ZMAT4: variants seen among roughly 807,000 people sequenced by gnomAD.
ZMAT4 encodes zinc finger matrin-type protein 4.
ZMAT4 carries 17 observed loss-of-function variants against 28.7 expected under a neutral mutation model. The ratio of observed to expected loss-of-function variants is 0.59; its 90% CI spans 0.41 to 0.89. The LOEUF (loss-of-function observed/expected upper bound fraction) is 0.89. Among genes scored for constraint, ZMAT4 ranks in the 40% least tolerant of loss-of-function variants. The pLI is 0.00. For synonymous variants in ZMAT4, 117 were observed against 109.2 expected, an observed-to-expected ratio of 1.07 and a Z score of -0.44; for missense variants, 240 against 283.8, an observed-to-expected ratio of 0.85 and a Z score of 1.11.
intron 2 of ZMAT4, among the ~76,000 whole-genome samples, chr8:40,809,049 A>G (rs1322251146): frequency 6.6e-6 from 1 of 152,194 alleles, no homozygotes; most frequent in African/African-American, 2.4e-5. Flanking sequence ...AAGCAAAGAC[A>G]TGGAATCAAC....
intron 5 of ZMAT4, among the ~76,000 whole-genome samples, chr8:40,663,512 G>C (rs935561775): frequency 1.3e-5 from 2 of 152,132 alleles, no homozygotes; most frequent in Non-Finnish European, 1.5e-5. Context: ...ATAAGTGAAT[G>C]AATGAATGAA....
chr8:40,576,091 C>T (rs913631801), intron 6 of ZMAT4, among the ~76,000 whole-genome samples: 4 of 151,866 alleles, frequency 2.6e-5, no homozygotes, highest in African/African-American at 9.7e-5. Context: ...CTTGAATATA[C>T]ACCTTTTGAA....
chr8:40,559,768 C>T (rs1288594501), intron 6 of ZMAT4, among the ~76,000 whole-genome samples: 1 of 152,096 alleles, frequency 6.6e-6, no homozygotes, highest in African/African-American at 2.4e-5. Context: ...AAAACACACA[C>T]ACATGCGAAT....
At chr8:40,814,454 G>T (rs1815453094) in intron 2 of ZMAT4, among the ~76,000 whole-genome samples, 1 of 152,184 alleles carries the variant, frequency 6.6e-6, no homozygotes, top group Non-Finnish European at 1.5e-5. Flanking sequence ...AATCATTACA[G>T]GTCGAGATCT....
intron 1 of ZMAT4, among the ~76,000 whole-genome samples, chr8:40,849,935 C>A (rs1039937706): frequency 6.6e-6 from 1 of 151,228 alleles, no homozygotes; most frequent in Non-Finnish European, 1.5e-5. Flanking sequence ...CTGGCACAAC[C>A]ATTCACCCCG....
At chr8:40,539,030 C>T (rs1424201440) in intron 6 of ZMAT4, among the ~76,000 whole-genome samples, 1 of 152,050 alleles carries the variant, frequency 6.6e-6, no homozygotes, top group Admixed American at 6.5e-5. Context: ...GTGATCCACC[C>T]GCCTTGGCCT....
intron 3 of ZMAT4, among the ~76,000 whole-genome samples, chr8:40,766,500 G>A (rs1332942690): frequency 2.0e-5 from 3 of 151,866 alleles, no homozygotes; most frequent in Non-Finnish European, 4.4e-5. Context: ...TAACGCTAAG[G>A]GCTAAAAAAA....
At chr8:40,864,525 G>A (rs1261483242) in intron 1 of ZMAT4, among the ~76,000 whole-genome samples, 1 of 152,080 alleles carries the variant, frequency 6.6e-6, no homozygotes, top group Non-Finnish European at 1.5e-5. Context: ...TGGTAGCAGG[G>A]ACAAAAAAGT....
rs1034168292 is a variant in ZMAT4, at chr8:40,598,541, C to T, written c.578-17280G>A. Among the ~76,000 whole-genome samples the T allele has an allele frequency of 2.6e-5, 4 of 152,134 alleles. No individual in the cohort carries two copies. The East Asian group carries it at 7.7e-4, about 29-fold the overall frequency. On this transcript the variant is annotated intron_variant, in intron 5 of 6. Coordinates refer to ENST00000297737, the MANE Select transcript of ZMAT4 (RefSeq NM_024645.3). ...TCCATTTCCCTGCAAAGGACATGAT[C>T]TCATTCTTTTTATATAGCTGCATAG...
chr8:40,743,747 T>C (rs1029497633), intron 3 of ZMAT4, among the ~76,000 whole-genome samples: 5 of 152,002 alleles, frequency 3.3e-5, no homozygotes, highest in African/African-American at 1.2e-4. Context: ...CCACAGATCA[T>C]GGTGGTCATG....
At chr8:40,690,999 A>G in intron 4 of ZMAT4, 2 of 870,200 alleles carry the variant, frequency 2.3e-6, no homozygotes, top group Non-Finnish European at 2.8e-6. Flanking sequence ...CTTTGTTGCT[A>G]CCAATCCACT....
At chr8:40,653,757 A>G (rs776806470) in intron 5 of ZMAT4, among the ~76,000 whole-genome samples, 2 of 152,338 alleles carry the variant, frequency 1.3e-5, no homozygotes, top group Non-Finnish European at 2.9e-5. Flanking sequence ...AAGTAGAGAC[A>G]CTGACTTATA....
At chr8:40,871,573 G>A (rs1817857575) in intron 1 of ZMAT4, among the ~76,000 whole-genome samples, 1 of 152,222 alleles carries the variant, frequency 6.6e-6, no homozygotes, top group Admixed American at 6.5e-5. Context: ...GGAGGCAAGG[G>A]AGTAGTGGGA....
intron 5 of ZMAT4, among the ~76,000 whole-genome samples, chr8:40,657,478 G>A (rs1807978568): frequency 6.6e-6 from 1 of 151,556 alleles, no homozygotes. Context: ...GTACTTTAAA[G>A]AGTTTCACTC....
chr8:40,845,160 T>A (rs998409205), intron 1 of ZMAT4, among the ~76,000 whole-genome samples: 3 of 152,214 alleles, frequency 2.0e-5, no homozygotes, highest in Admixed American at 1.3e-4. Flanking sequence ...CAACTTCACC[T>A]TTCAGTGAGC....
intron 2 of ZMAT4, among the ~76,000 whole-genome samples, chr8:40,775,022 G>T (rs192764669): frequency 3.3e-5 from 5 of 152,204 alleles, no homozygotes; most frequent in East Asian, 1.9e-4. Context: ...TTTTCTCAAG[G>T]TCCCACAACT....
At chr8:40,860,714 T>C (rs1401252978) in intron 1 of ZMAT4, among the ~76,000 whole-genome samples, 1 of 152,214 alleles carries the variant, frequency 6.6e-6, no homozygotes, top group Non-Finnish European at 1.5e-5. Flanking sequence ...TTACCCAAAA[T>C]GGTCCACAGA....
In ZMAT4 at chr8:40,745,429, A is replaced by C. The variant is rs77804189; in HGVS notation, c.192+22212T>G. Among the ~76,000 whole-genome samples the C allele has an allele frequency of 6.5e-3, 997 of 152,328 alleles. 13 individuals carry two copies. The highest frequency in any genetic ancestry group is 0.023 in the African/African-American group (949 of 41,560). ...GGTTCAGAACATCCTCCCCACACTC[A>C]GAAAACTGCATTTTCCAGAACAGAG... On this transcript the variant is annotated intron_variant, in intron 3 of 6. Coordinates refer to ENST00000297737, the MANE Select transcript of ZMAT4 (RefSeq NM_024645.3).
intron 2 of ZMAT4, among the ~76,000 whole-genome samples, chr8:40,822,484 C>A (rs1184097895): frequency 6.6e-6 from 1 of 152,158 alleles, no homozygotes; most frequent in African/African-American, 2.4e-5. Context: ...CTCCTAGAGA[C>A]CCACTCCATA....
Sources: allele counts gnomAD v4.1 joint callset (sites outside exome capture counted in the v4.1 genomes callset), GRCh38; gene constraint gnomAD v4.1.1; transcripts MANE v1.5; gene names NCBI Gene and HGNC (gene_info 2026-07-23, HGNC 2026-07-21).